NAALADL2: variants seen among roughly 807,000 people sequenced by gnomAD.
NAALADL2 encodes the protein N-acetylated alpha-linked acidic dipeptidase like 2.
Under a neutral mutation model 87.2 loss-of-function variants are expected in NAALADL2, and 76 were observed. The observed-to-expected ratio is 0.87, with a 90% CI of 0.72 to 1.05. The LOEUF (loss-of-function observed/expected upper bound fraction) is 1.05. NAALADL2 is among the 50% of genes least tolerant of loss of function. The probability of loss-of-function intolerance (pLI) is 0.00; values close to 1 mark genes in which losing one functional copy is unlikely to be tolerated. For missense variants in NAALADL2, 1,089 were observed against 945.8 expected (o/e 1.15, Z -1.99); for synonymous variants, 354 against 331.0 (o/e 1.07, Z -0.75).
intron 1 of NAALADL2, among the ~76,000 whole-genome samples, chr3:174,457,400 A>G (rs1226284756): frequency 1.3e-5 from 2 of 152,182 alleles, no homozygotes; most frequent in Non-Finnish European, 2.9e-5. Flanking sequence ...AGACACATGC[A>G]TGTGTCAATT....
chr3:175,121,999 A>G (rs1167091764), intron 2 of NAALADL2, among the ~76,000 whole-genome samples: 1 of 151,796 alleles, frequency 6.6e-6, no homozygotes, highest in Non-Finnish European at 1.5e-5. Context: ...ACATTGTAAT[A>G]GTTGAAAGGA....
chr3:175,766,392 G>T (rs1020914168), intron 13 of NAALADL2, among the ~76,000 whole-genome samples: 1 of 152,202 alleles, frequency 6.6e-6, no homozygotes, highest in African/African-American at 2.4e-5. Context: ...AAAGACTCCA[G>T]AATAAGTCAC....
chr3:175,364,899 T>G (rs1560435731), intron 5 of NAALADL2, among the ~76,000 whole-genome samples: 1 of 147,766 alleles, frequency 6.8e-6, no homozygotes, highest in Non-Finnish European at 1.5e-5. Flanking sequence ...AACTGACATT[T>G]TTTGACAAAT....
At chr3:175,760,927 G>A (rs754602391) in intron 13 of NAALADL2, among the ~76,000 whole-genome samples, 5 of 152,150 alleles carry the variant, frequency 3.3e-5, no homozygotes, top group South Asian at 4.2e-4. Context: ...CAGAAAGTAC[G>A]GAATTCTCAT....
intron 5 of NAALADL2, among the ~76,000 whole-genome samples, chr3:175,413,271 T>C (rs9871629): frequency 0.57 from 84,779 of 148,896 alleles, 24,784 homozygotes; most frequent in East Asian, 0.66. Flanking sequence ...CCCGACTCCA[T>C]TAAAACTACC....
chr3:175,800,646 C>A (rs1250145722), intron 13 of NAALADL2, among the ~76,000 whole-genome samples: 1 of 152,042 alleles, frequency 6.6e-6, no homozygotes, highest in Non-Finnish European at 1.5e-5. Flanking sequence ...GGCTTAAAAT[C>A]CAAAATAAGC....
At chr3:174,786,218 A>C (rs1236192027) in intron 3 of NAALADL2, among the ~76,000 whole-genome samples, 1 of 152,098 alleles carries the variant, frequency 6.6e-6, no homozygotes, top group Non-Finnish European at 1.5e-5. Context: ...TGGTAGGCCA[A>C]GGCGGGCAGA....
rs60827084 is a variant in NAALADL2 at position 175,024,893 on chromosome 3, C to G, written c.44-71897C>G. Among the ~76,000 whole-genome samples, 423 of 152,020 alleles carry G rather than the reference C, an allele frequency of 2.8e-3. 3 individuals carry two copies. The highest frequency in any genetic ancestry group is 9.8e-3 in the African/African-American group (408 of 41,488). On this transcript the variant is annotated intron_variant, in intron 1 of 13. Coordinates refer to ENST00000454872, the MANE Select transcript of NAALADL2 (RefSeq NM_207015.3). The stretch of plus-strand genomic sequence containing the variant: ...ATACATAACAATAAGGGAGATGAGT[C>G]TGAGACTGGTATCGCCACCCACACC...
intron 9 of NAALADL2, among the ~76,000 whole-genome samples, chr3:175,516,125 T>C (rs1338894975): frequency 6.6e-6 from 1 of 152,242 alleles, no homozygotes; most frequent in African/African-American, 2.4e-5. Context: ...AAACAAAGTC[T>C]CAAAGCTGCA....
chr3:174,732,189 A>C (rs574419220), intron 2 of NAALADL2, among the ~76,000 whole-genome samples: 2 of 152,194 alleles, frequency 1.3e-5, no homozygotes, highest in Non-Finnish European at 2.9e-5. Flanking sequence ...TGTGGAGGAT[A>C]TATAACAAGT....
In NAALADL2 at chr3:174,743,315, C is replaced by T. The variant is rs146295010; in HGVS notation, c.-9+5569C>T. ...CTGTCTAAAATATCCATCATTTAAA[C>T]GTCTCCAGAGCACGTTTTATACCAT... is the stretch of plus-strand genomic sequence containing the variant. On this transcript the variant is annotated intron_variant, in intron 3 of 3. Coordinates refer to the NAALADL2 transcript ENST00000434257. 2.2e-4 allele frequency among the ~76,000 whole-genome samples: 33 copies of T among 151,840 alleles called. No homozygotes were observed. In the East Asian group the frequency reaches 6.0e-3, roughly 28 times the overall value.
At chr3:175,606,278 A>G (rs894208250) in intron 10 of NAALADL2, among the ~76,000 whole-genome samples, 5 of 152,186 alleles carry the variant, frequency 3.3e-5, no homozygotes, top group Admixed American at 6.5e-5. Context: ...GGGATACTTG[A>G]TAGAAAAGCA....
chr3:175,551,622 G>A (rs563208735), intron 9 of NAALADL2, among the ~76,000 whole-genome samples: 2 of 152,234 alleles, frequency 1.3e-5, no homozygotes, highest in East Asian at 1.9e-4. Flanking sequence ...AAGAGGGGCC[G>A]GGCGCGGTGA....
In NAALADL2 at chr3:174,663,661, A is replaced by G. The variant is rs1483721878; in HGVS notation, c.-114-73980A>G. ...TGAGGTATCTGCCCTCATGACCTAA[A>G]CACCTCCCACTAGGCCCCATCTTTA... is the stretch of plus-strand genomic sequence containing the variant. On this transcript the variant is annotated intron_variant, in intron 2 of 3. Coordinates refer to the NAALADL2 transcript ENST00000434257. 2.6e-5 allele frequency among the ~76,000 whole-genome samples: 4 copies of G among 152,216 alleles called. No homozygotes were observed. The East Asian group carries it at 7.7e-4, about 29-fold the overall frequency.
rs368384270 is a variant in NAALADL2 at position 175,133,366 on chromosome 3, C to T, written c.545+36075C>T. ...ATCTCGGCACTTTGGGAGGCCAAGG[C>T]AGGCGGCTGGGAGGTGGAGGTTGTA... On this transcript the variant is annotated intron_variant, in intron 2 of 13. Transcript: ENST00000454872. 2.0e-5 allele frequency among the ~76,000 whole-genome samples: 3 copies of T among 152,210 alleles called. No individual in the cohort carries two copies. In the South Asian group the frequency reaches 6.2e-4, roughly 31 times the overall value.
intron 2 of NAALADL2, among the ~76,000 whole-genome samples, chr3:174,734,987 C>G (rs1000032223): frequency 6.6e-6 from 1 of 152,002 alleles, no homozygotes; most frequent in Non-Finnish European, 1.5e-5. Flanking sequence ...CAAGCTTGTA[C>G]AATACTACAA....
intron 11 of NAALADL2, among the ~76,000 whole-genome samples, chr3:175,736,238 T>C (rs188658325): frequency 1.3e-5 from 2 of 152,284 alleles, no homozygotes; most frequent in Admixed American, 1.3e-4. Context: ...CATGGGGGAA[T>C]TATGTATGTA....
intron 13 of NAALADL2, among the ~76,000 whole-genome samples, chr3:175,778,438 C>T (rs1750562057): frequency 6.6e-6 from 1 of 152,192 alleles, no homozygotes; most frequent in Non-Finnish European, 1.5e-5. Context: ...CTCCCTTGTT[C>T]CGGGAAAGTT....
intron 3 of NAALADL2, among the ~76,000 whole-genome samples, chr3:174,797,228 C>T (rs796727983): frequency 2.0e-5 from 3 of 150,950 alleles, no homozygotes; most frequent in African/African-American, 4.9e-5. Flanking sequence ...TTTCCCCAGG[C>T]GGCTTCATCA....
Sources: gnomAD v4.1 joint callset for allele counts (sites outside exome capture counted in the v4.1 genomes callset) on GRCh38, gnomAD v4.1.1 for gene constraint, MANE v1.5 for transcripts, NCBI Gene and HGNC (gene_info 2026-07-23, HGNC 2026-07-21) for gene names.